Variants in RC3H2 observed in about 807,000 individuals in gnomAD.
RC3H2 encodes ring finger and CCCH-type domains 2.
In RC3H2, 31 loss-of-function variants were observed where a neutral mutation model predicts 133.3. The observed-to-expected ratio is 0.23, with a 90% CI of 0.17 to 0.31. RC3H2 has a LOEUF of 0.31. RC3H2 is among the 10% of genes least tolerant of loss of function. The pLI is 1.00. For missense variants in RC3H2, 1,175 were observed against 1,437.2 expected (o/e 0.82, Z 2.95); for synonymous variants, 517 against 502.2 (o/e 1.03, Z -0.40).
chr9:122,887,813 C>T (rs576956505), intron 4 of RC3H2, among the ~76,000 whole-genome samples: 2 of 143,018 alleles, frequency 1.4e-5, no homozygotes, highest in South Asian at 2.2e-4. Flanking sequence ...GGCATGATCT[C>T]GGCTCACTGC....
chr9:122,866,726 G>C (rs1830693747), intron 9 of RC3H2, among the ~76,000 whole-genome samples: 1 of 152,174 alleles, frequency 6.6e-6, no homozygotes, highest in South Asian at 2.1e-4. Flanking sequence ...GCCCAGGCTG[G>C]AGTGCAGTGG....
At chr9:122,893,339 C>T (rs1832266258) in intron 2 of RC3H2, among the ~76,000 whole-genome samples, 1 of 152,020 alleles carries the variant, frequency 6.6e-6, no homozygotes. Flanking sequence ...CTAAAAACTA[C>T]AAAAATTAGC....
intron 9 of RC3H2, among the ~76,000 whole-genome samples, chr9:122,867,322 A>G: frequency 9.1e-6 from 1 of 109,322 alleles, no homozygotes; most frequent in African/African-American, 3.6e-5. Flanking sequence ...CCCGTCCGGG[A>G]GGTGAGGGGC....
rs1829913929 is a variant in RC3H2 at position 122,848,481 on chromosome 9, A to G, written c.*1146T>C. The G allele has an allele frequency of 6.6e-6, 1 of 152,152 alleles. No individual in the cohort carries two copies. The allele number at this position is 152,152 out of a possible 1,614,324, so 9.4% of individuals were successfully genotyped here. ...TCAGTCACATTTTAGCAAGGCAGAA[A>G]TTATTCATGTTCTTAAGTATGAATA... is the stretch of plus-strand genomic sequence containing the variant. On this transcript the variant is annotated 3_prime_UTR_variant, in exon 21 of 21. Coordinates refer to ENST00000357244, the MANE Select transcript of RC3H2 (RefSeq NM_001100588.3).
chr9:122,895,341 T>C (rs1466129048), intron 2 of RC3H2, among the ~76,000 whole-genome samples: 3 of 151,940 alleles, frequency 2.0e-5, no homozygotes, highest in African/African-American at 7.2e-5. Flanking sequence ...CTAATTTTTT[T>C]ATTTTTTGTA....
rs753652622 is a variant in RC3H2 at position 122,855,350 on chromosome 9, G to A, written c.2649C>T (p.Thr883=). ...DVKRRVHLFE[T]QRRTKEEDPI... ...GATCTTCTTCTTTTGTCCTTCTCTG[G>A]GTTTCAAATAAATGTACTCTTCTCT... The change falls in exon 15 of 21, where the codon ACC becomes ACT. Residue 883 remains threonine, a synonymous_variant. Transcript: ENST00000357244. The A allele has an allele frequency of 1.2e-6, 2 of 1,613,832 alleles. No individual in the cohort carries two copies. Among genetic ancestry groups the A allele is most frequent in the Non-Finnish European group, 1.7e-6 (2 of 1,179,988 alleles).
chr9:122,858,794 T>A lies in RC3H2; in HGVS notation c.2158A>T (p.Met720Leu). 1.9e-6 allele frequency: 3 copies of A among 1,614,264 alleles called. No homozygotes were observed. The highest frequency in any genetic ancestry group is 2.5e-6 in the Non-Finnish European group (3 of 1,180,050). Residue 720 changes from methionine to leucine, a missense_variant, in exon 12 of 21, where the codon ATG becomes TTG. By Grantham distance (15) the Met-to-Leu change is conservative. Transcript: ENST00000357244. ...TAGACAGATGAGTGCATCACATCCATTGGAGGTAAAGAATTGCTTCTAATA... is the reference window on the plus strand; with the variant it reads ...TAGACAGATGAGTGCATCACATCCAATGGAGGTAAAGAATTGCTTCTAATA... ...DIIRSNSLPP[M>L]DVMHSSVYQT...
chr9:122,903,683 G>C (rs1049904547), intron 1 of RC3H2, among the ~76,000 whole-genome samples: 5 of 152,148 alleles, frequency 3.3e-5, no homozygotes, highest in Non-Finnish European at 7.4e-5. Flanking sequence ...AACGTAACTA[G>C]AATATGTTTC....
At chr9:122,864,576 T>C (rs1564291461) in intron 10 of RC3H2, among the ~76,000 whole-genome samples, 4 of 151,618 alleles carry the variant, frequency 2.6e-5, no homozygotes, top group Admixed American at 2.6e-4. Flanking sequence ...TGGGAAACCA[T>C]GAGCCAGAAC....
intron 4 of RC3H2, among the ~76,000 whole-genome samples, chr9:122,884,323 C>CT (rs1408377407): frequency 6.6e-6 from 1 of 152,052 alleles, no homozygotes; most frequent in Admixed American, 6.6e-5. Flanking sequence ...CAGAACTACT[C>CT]TGACAATGAT....
At chr9:122,854,455 G>C in intron 16 of RC3H2, 76 bp downstream of exon 16, 1 of 1,231,822 alleles carries the variant, frequency 8.1e-7, no homozygotes, top group Non-Finnish European at 1.2e-6. Context: ...TTCATGAACT[G>C]GGGGTAGAAT....
chr9:122,850,457 T>TAGATAGATAGATA (rs936312290), intron 20 of RC3H2, among the ~76,000 whole-genome samples: 4 of 151,978 alleles, frequency 2.6e-5, no homozygotes, highest in East Asian at 1.9e-4. Flanking sequence ...GATAGATAGA[T>TAGATAGATAGATA]AATTTTGAGA....
intron 10 of RC3H2, among the ~76,000 whole-genome samples, chr9:122,861,885 T>A (rs733329): frequency 6.6e-6 from 1 of 152,074 alleles, no homozygotes; most frequent in South Asian, 2.1e-4. Flanking sequence ...CGTAAGGGTT[T>A]AGAGTATAAA....
At chr9:122,867,281 G>T (rs1465328294) in intron 9 of RC3H2, among the ~76,000 whole-genome samples, 1 of 111,322 alleles carries the variant, frequency 9.0e-6, no homozygotes. Flanking sequence ...GGAGGGAGGT[G>T]GGGGGGTCAG....
In RC3H2 at chr9:122,855,465, TCAAA is replaced by T. The variant is rs1255835176; in HGVS notation, c.2602-72_2602-69del. 1.4e-5 allele frequency: 19 copies of T among 1,404,694 alleles called. 1 individual carries two copies. Among genetic ancestry groups the T allele is most frequent in the Non-Finnish European group, 1.9e-5 (19 of 998,538 alleles). The allele number at this position is 1,404,694 out of a possible 1,614,324, so 87.0% of individuals were successfully genotyped here. On this transcript the variant is annotated intron_variant, in intron 14 of 20. Transcript: ENST00000357244. The stretch of plus-strand genomic sequence containing the variant: ...TACTTCAGCTAGTAAATATATGCTA[TCAAA>T]AGACATGTAATTAGGTTTTTTGGTT...
intron 9 of RC3H2, among the ~76,000 whole-genome samples, chr9:122,875,799 T>C (rs1364377040): frequency 6.6e-6 from 1 of 152,178 alleles, no homozygotes; most frequent in South Asian, 2.1e-4. Context: ...TCAGTGTGGC[T>C]TGAGTACAAT....
intron 5 of RC3H2, among the ~76,000 whole-genome samples, chr9:122,881,759 A>G (rs1831645910): frequency 6.6e-6 from 1 of 152,198 alleles, no homozygotes; most frequent in Non-Finnish European, 1.5e-5. Flanking sequence ...TTCTGGGCTC[A>G]AGCAATCCTC....
rs368034443 is a variant in RC3H2 at position 122,859,899 on chromosome 9, T to G, written c.1849+18A>C. The G allele has an allele frequency of 6.4e-7, 1 of 1,551,266 alleles. No individual in the cohort carries two copies. Among genetic ancestry groups the G allele is most frequent in the Non-Finnish European group, 8.9e-7 (1 of 1,124,000 alleles). On this transcript the variant is annotated intron_variant, in intron 11 of 20. Transcript: ENST00000357244. ...AACAATGTTTCTTTTTTTCTTAGAA[T>G]TGTCTAAAATTACTCACCTGTCTGT...
At chr9:122,861,821 T>C (rs1588062991) in intron 10 of RC3H2, among the ~76,000 whole-genome samples, 4 of 152,366 alleles carry the variant, frequency 2.6e-5, no homozygotes, top group Admixed American at 2.6e-4. Flanking sequence ...TGTAACTGTA[T>C]ATTAAAATGT....
Sources: allele counts gnomAD v4.1 joint callset (sites outside exome capture counted in the v4.1 genomes callset), GRCh38; gene constraint gnomAD v4.1.1; transcripts MANE v1.5; gene names NCBI Gene and HGNC (gene_info 2026-07-23, HGNC 2026-07-21).